The following DPYD variants were observed in gnomAD, a reference collection of about 807,000 sequenced individuals.
DPYD encodes the protein dihydropyrimidine dehydrogenase, also known as dihydropyrimidine dehydrogenase [NADP(+)].
A neutral mutation model predicts 116.2 loss-of-function variants in DPYD; 109 were observed. The observed-to-expected ratio is 0.94, with a 90% CI of 0.80 to 1.10. The LOEUF is 1.10. Among genes scored for constraint, DPYD ranks in the 50% least tolerant of loss-of-function variants. The pLI is 0.00. For missense variants in DPYD, 1,302 were observed against 1,254.5 expected (o/e 1.04, Z -0.57); for synonymous variants, 440 against 432.0 (o/e 1.02, Z -0.23).
intron 16 of DPYD, among the ~76,000 whole-genome samples, chr1:97,317,533 A>C (rs1667931287): frequency 6.6e-6 from 1 of 152,058 alleles, no homozygotes; most frequent in African/African-American, 2.4e-5. Flanking sequence ...TGTTTTCTTA[A>C]TGCAAAGCAT....
At chr1:97,893,027 C>G (rs1357207494) in intron 1 of DPYD, among the ~76,000 whole-genome samples, 1 of 151,690 alleles carries the variant, frequency 6.6e-6, no homozygotes, top group Non-Finnish European at 1.5e-5. Flanking sequence ...TAAGATAATG[C>G]AAAAGATGTT....
At chr1:97,617,631 T>C (rs188267826) in intron 8 of DPYD, among the ~76,000 whole-genome samples, 20 of 152,238 alleles carry the variant, frequency 1.3e-4, no homozygotes, top group Middle Eastern at 3.4e-3. Context: ...GGAGATTCTA[T>C]CTCTGAGAGA....
chr1:97,512,809 TC>T (rs1647903764), intron 13 of DPYD, among the ~76,000 whole-genome samples: 1 of 151,898 alleles, frequency 6.6e-6, no homozygotes, highest in Admixed American at 6.6e-5. Context: ...AAAAATGATT[TC>T]ATAACTATAT....
chr1:97,443,797 T>C (rs557566587), intron 14 of DPYD, among the ~76,000 whole-genome samples: 2 of 152,376 alleles, frequency 1.3e-5, no homozygotes, highest in Non-Finnish European at 2.9e-5. Flanking sequence ...CTATTTCTAA[T>C]AAGTGAAACT....
rs567679065 is a variant in DPYD at position 97,681,677 on chromosome 1, A to G, written c.763-2495T>C. Among the ~76,000 whole-genome samples the G allele has an allele frequency of 6.6e-5, 10 of 152,280 alleles. 1 individual carries two copies. Among genetic ancestry groups the G allele is most frequent in the African/African-American group, 2.4e-4 (10 of 41,572 alleles). On this transcript the variant is annotated intron_variant, in intron 7 of 22. Transcript: ENST00000370192. ...AATCATCTAATAGTGAGGCTTTAGA[A>G]CTTTAATTTATTCTAACTTTTAAAT...
At chr1:97,146,147 A>G (rs1570546897) in intron 20 of DPYD, among the ~76,000 whole-genome samples, 1 of 151,998 alleles carries the variant, frequency 6.6e-6, no homozygotes, top group African/African-American at 2.4e-5. Context: ...TGCTTTTTAG[A>G]TGAACCTAAA....
intron 20 of DPYD, among the ~76,000 whole-genome samples, chr1:97,152,976 A>G (rs1483379782): frequency 6.6e-6 from 1 of 152,106 alleles, no homozygotes; most frequent in Non-Finnish European, 1.5e-5. Context: ...AAAACACTTA[A>G]AAACACTAGA....
At chr1:97,879,438 C>CA (rs958133412) in intron 2 of DPYD, among the ~76,000 whole-genome samples, 1 of 151,732 alleles carries the variant, frequency 6.6e-6, no homozygotes, top group Non-Finnish European at 1.5e-5. Flanking sequence ...TTCTGGTCTT[C>CA]AAAAATTGCT....
chr1:97,399,830 A>C (rs1236083164), intron 14 of DPYD, among the ~76,000 whole-genome samples: 1 of 152,186 alleles, frequency 6.6e-6, no homozygotes, highest in East Asian at 1.9e-4. Context: ...GTTGCTTATC[A>C]GCTTAAGGAG....
At chr1:97,869,814 T>TA (rs1284172307) in intron 2 of DPYD, among the ~76,000 whole-genome samples, 2 of 151,804 alleles carry the variant, frequency 1.3e-5, no homozygotes, top group South Asian at 2.1e-4. Flanking sequence ...ATTAAAATGG[T>TA]ATGTAAGCCC....
chr1:97,688,645 T>A (rs1660861558), intron 7 of DPYD, among the ~76,000 whole-genome samples: 1 of 151,952 alleles, frequency 6.6e-6, no homozygotes, highest in African/African-American at 2.4e-5. Flanking sequence ...TTATCAAAAA[T>A]TCACAAAACA....
chr1:97,747,063 G>C (rs1664599102), intron 3 of DPYD, among the ~76,000 whole-genome samples: 1 of 151,742 alleles, frequency 6.6e-6, no homozygotes, highest in African/African-American at 2.4e-5. Flanking sequence ...CTCTCTGTTA[G>C]AAATTTATTT....
At chr1:97,401,939 T>C (rs1673400757) in intron 14 of DPYD, among the ~76,000 whole-genome samples, 1 of 152,130 alleles carries the variant, frequency 6.6e-6, no homozygotes, top group Non-Finnish European at 1.5e-5. Context: ...GATTTAATTA[T>C]GTGGGTCTAT....
intron 13 of DPYD, among the ~76,000 whole-genome samples, chr1:97,476,477 C>T (rs1014294292): frequency 6.6e-6 from 1 of 151,736 alleles, no homozygotes; most frequent in Non-Finnish European, 1.5e-5. Context: ...TAAAATGATC[C>T]AATTTTATAC....
In DPYD at chr1:97,878,975, T is replaced by C. The variant is rs114705196; in HGVS notation, c.150+4289A>G. On this transcript the variant is annotated intron_variant, in intron 2 of 22. Coordinates refer to ENST00000370192, the MANE Select transcript of DPYD (RefSeq NM_000110.4). ...AAAATTATCAAAACCCATATATTAT[T>C]TAGTTATTTTCATTGTCTACAAGGA... Among the ~76,000 whole-genome samples the C allele has an allele frequency of 6.3e-3, 951 of 152,062 alleles. 8 individuals carry two copies. Among genetic ancestry groups the C allele is most frequent in the Non-Finnish European group, 0.011 (767 of 67,916 alleles).
intron 14 of DPYD, among the ~76,000 whole-genome samples, chr1:97,408,207 G>A (rs1673784801): frequency 6.6e-6 from 1 of 152,112 alleles, no homozygotes; most frequent in Admixed American, 6.6e-5. Flanking sequence ...GACCTGCTGA[G>A]GTGCTTGCTG....
At chr1:97,370,992 G>A (rs1671284129) in intron 16 of DPYD, among the ~76,000 whole-genome samples, 1 of 152,080 alleles carries the variant, frequency 6.6e-6, no homozygotes, top group Non-Finnish European at 1.5e-5. Context: ...ATGTTGCAGA[G>A]TATGGATTAC....
At chr1:97,622,939 G>A (rs897355432) in intron 8 of DPYD, among the ~76,000 whole-genome samples, 1 of 151,998 alleles carries the variant, frequency 6.6e-6, no homozygotes, top group Non-Finnish European at 1.5e-5. Flanking sequence ...AATCAGGAGA[G>A]CTAAGATTTG....
At chr1:97,807,328 G>A (rs1388749812) in intron 3 of DPYD, among the ~76,000 whole-genome samples, 1 of 152,020 alleles carries the variant, frequency 6.6e-6, no homozygotes, top group Non-Finnish European at 1.5e-5. Flanking sequence ...ACATTTGGTT[G>A]TGTCAGTGTT....
Sources: gnomAD v4.1 joint callset for allele counts (sites outside exome capture counted in the v4.1 genomes callset) on GRCh38, gnomAD v4.1.1 for gene constraint, MANE v1.5 for transcripts, NCBI Gene and HGNC (gene_info 2026-07-23, HGNC 2026-07-21) for gene names.